The following JAG1 variants were observed in gnomAD, a reference collection of about 807,000 sequenced individuals.
JAG1 encodes the protein jagged canonical Notch ligand 1, also known as protein jagged-1.
Under a neutral mutation model 148.7 loss-of-function variants are expected in JAG1, and 23 were observed. The ratio of observed to expected loss-of-function variants is 0.15; its 90% CI spans 0.11 to 0.22. JAG1 has a LOEUF of 0.22. Among genes scored for constraint, JAG1 ranks in the 10% least tolerant of loss-of-function variants. The pLI, the probability that JAG1 is intolerant of heterozygous loss-of-function variation, is 1.00. For missense variants in JAG1, 1,054 were observed against 1,611.2 expected (o/e 0.65, Z 5.92); for synonymous variants, 572 against 598.3 (o/e 0.96, Z 0.64).
chr20:10,656,469 C>G lies in JAG1; in HGVS notation c.695-11G>C. 3.1e-6 allele frequency: 5 copies of G among 1,613,214 alleles called. No individual in the cohort carries two copies. The highest frequency in any genetic ancestry group is 4.2e-6 in the Non-Finnish European group (5 of 1,179,322). The stretch of plus-strand genomic sequence containing the variant: ...CTTGTCGGCAAATAGCTGTAAAAAA[C>G]AGAGAAGGGCGTGTCAGCACACTGC... On this transcript the variant is annotated splice_polypyrimidine_tract_variant and intron_variant, in intron 4 of 25. Coordinates refer to ENST00000254958, the MANE Select transcript of JAG1 (RefSeq NM_000214.3).
intron 9 of JAG1, among the ~76,000 whole-genome samples, chr20:10,650,008 T>C (rs2067335139): frequency 6.6e-6 from 1 of 152,152 alleles, no homozygotes; most frequent in Non-Finnish European, 1.5e-5. Flanking sequence ...TGAACACTCC[T>C]CGGACAGACG....
At chr20:10,670,082 A>C (rs1468992237) in intron 2 of JAG1, among the ~76,000 whole-genome samples, 1 of 152,186 alleles carries the variant, frequency 6.6e-6, no homozygotes, top group Non-Finnish European at 1.5e-5. Context: ...CTCAGATATG[A>C]TATATGACAG....
intron 2 of JAG1, among the ~76,000 whole-genome samples, chr20:10,667,041 G>T (rs2067458770): frequency 6.6e-6 from 1 of 152,216 alleles, no homozygotes; most frequent in South Asian, 2.1e-4. Flanking sequence ...ATTAAGAAGG[G>T]GGGATGTAAG....
chr20:10,672,052 G>A (rs2067499382), intron 2 of JAG1, among the ~76,000 whole-genome samples: 1 of 152,114 alleles, frequency 6.6e-6, no homozygotes, highest in East Asian at 1.9e-4. Flanking sequence ...GGGGGCGGGG[G>A]CAGGAAGGGG....
intron 14 of JAG1, 114 bp downstream of exon 14, chr20:10,646,825 C>CAAA (rs79074328): frequency 5.0e-4 from 443 of 886,996 alleles, no homozygotes; most frequent in Non-Finnish European, 5.9e-4. Context: ...AATTCGGTCT[C>CAAA]AAAAAAAAAA....
chr20:10,669,399 G>A (rs532228397), intron 2 of JAG1, among the ~76,000 whole-genome samples: 1 of 151,790 alleles, frequency 6.6e-6, no homozygotes, highest in South Asian at 2.1e-4. Flanking sequence ...CTCAGGGACT[G>A]GAAAAGACAG....
chr20:10,671,648 C>T (rs990776245), intron 2 of JAG1, among the ~76,000 whole-genome samples: 1 of 152,178 alleles, frequency 6.6e-6, no homozygotes. Flanking sequence ...CCAGCACAGG[C>T]TAGGCCAAGC....
intron 3 of JAG1, among the ~76,000 whole-genome samples, chr20:10,663,275 C>T (rs532190662): frequency 2.0e-5 from 3 of 152,252 alleles, no homozygotes; most frequent in Admixed American, 6.5e-5. Flanking sequence ...GGCTCGTGAG[C>T]GAAAACACTG....
intron 19 of JAG1, 83 bp downstream of exon 19, chr20:10,644,274 T>TCACACACACACA (rs1491263633): frequency 1.5e-6 from 1 of 688,312 alleles, no homozygotes; most frequent in African/African-American, 3.9e-5. Context: ...CCTGGGTGAT[T>TCACACACACACA]CTCACACACA....
chr20:10,664,002 A>T lies in JAG1; in HGVS notation c.400T>A (p.Leu134Met), dbSNP rs140511204. The change falls in exon 3 of 26, where the codon TTG becomes ATG. Residue 134 changes from leucine (L) to methionine (M), a missense_variant. This residue lies in a region of JAG1 where 151 missense variants were observed against 211.1 expected (regional missense o/e 0.72). Coordinates refer to ENST00000254958, the MANE Select transcript of JAG1 (RefSeq NM_000214.3). ...FSFAWPRSYT[L>M]LVEAWDSSND... ...CTGGAATCCCACGCCTCCACAAGCA[A>T]CGTATAGGACCTCTGCAAGACAAAC... 1 of 1,613,834 alleles carries T rather than the reference A, an allele frequency of 6.2e-7. No homozygotes were observed. Among genetic ancestry groups the T allele is most frequent in the Non-Finnish European group, 8.5e-7 (1 of 1,179,700 alleles).
At chr20:10,657,218 G>C (rs1285435802) in intron 4 of JAG1, among the ~76,000 whole-genome samples, 2 of 151,956 alleles carry the variant, frequency 1.3e-5, no homozygotes, top group African/African-American at 4.8e-5. Flanking sequence ...AAAAAAGCTG[G>C]GTGTGGTGGC....
At chr20:10,648,482 A>G (rs2067324100) in intron 12 of JAG1, 67 bp downstream of exon 12, 1 of 1,306,256 alleles carries the variant, frequency 7.7e-7, no homozygotes, top group African/African-American at 1.5e-5. Flanking sequence ...GGAAAAGTAA[A>G]GGGAAGCGGA....
At chr20:10,658,319 A>T in intron 4 of JAG1, 149 bp downstream of exon 4, 7 of 997,502 alleles carry the variant, frequency 7.0e-6, no homozygotes, top group Non-Finnish European at 6.2e-6. Context: ...AGCATCTTCT[A>T]CACTCCGCAT....
Position 10,639,949 on chromosome 20 carries a change from A to G in JAG1, c.3206T>C (p.Leu1069Pro). The G allele has an allele frequency of 6.2e-7, 1 of 1,613,824 alleles. No individual in the cohort carries two copies. The highest frequency in any genetic ancestry group is 8.5e-7 in the Non-Finnish European group (1 of 1,179,722). Residue 1069 changes from leucine to proline, a missense_variant, in exon 26 of 26, where the codon CTT becomes CCT. Leu to Pro is a moderately conservative substitution (Grantham distance 98). Coordinates refer to ENST00000254958, the MANE Select transcript of JAG1 (RefSeq NM_000214.3). ...RRPLKNRTDF[L>P]VPLLSSVLTV... ...TAAGACAGAGCTCAGCAAGGGAACA[A>G]GGAAATCTGTAAGGCAGGCACAAAA... is the stretch of plus-strand genomic sequence containing the variant.
At position 10,651,614 on chromosome 20, in the gene JAG1, A is replaced by T. The variant is rs1326339242; in HGVS notation, c.1087T>A (p.Ser363Thr). 6.2e-7 allele frequency: 1 copy of T among 1,613,788 alleles called. No homozygotes were observed. Among genetic ancestry groups the T allele is most frequent in the East Asian group, 2.2e-5 (1 of 44,888 alleles). The part of the protein sequence containing the change: ...ETSLGFECEC[S>T]PGWTGPTCST... Reference sequence around the variant, plus strand: ...CATGTGGGGCCGGTCCAGCCTGGGGAACACTCACACTCAAAGCCCAGGGAG... The same window carrying T: ...CATGTGGGGCCGGTCCAGCCTGGGGTACACTCACACTCAAAGCCCAGGGAG... The change falls in exon 8 of 26, where the codon TCC becomes ACC. Residue 363 changes from serine (S) to threonine (T), a missense_variant. This residue lies in a region of JAG1 where 245 missense variants were observed against 373.1 expected (regional missense o/e 0.66). Coordinates refer to ENST00000254958, the MANE Select transcript of JAG1 (RefSeq NM_000214.3).
At position 10,673,424 on chromosome 20, in the gene JAG1, AG is replaced by A; in HGVS notation, c.81+25del. On this transcript the variant is annotated intron_variant, in intron 1 of 25. Transcript: ENST00000254958. This position sits in a 1 kb window ranked among gnomAD's most constrained non-coding sequence, Gnocchi z 4.7. ...CGAGGGGAGGGAGAGGACGGCTGGG[AG>A]GGAGGCCCGGAGAAGGGCTCCTACC... The A allele has an allele frequency of 7.0e-7, 1 of 1,429,710 alleles. No individual in the cohort carries two copies. 88.6% of individuals were successfully genotyped at this position (1,429,710 alleles called of 1,614,324 possible).
chr20:10,651,626 C>T lies in JAG1; in HGVS notation c.1075G>A (p.Glu359Lys), dbSNP rs1481200316. Reference protein sequence around the residue: ...GSCKETSLGFECECSPGWTGP... With the variant: ...GSCKETSLGFKCECSPGWTGP... ...GTCCAGCCTGGGGAACACTCACACT[C>T]AAAGCCCAGGGAGGTCTCCTTACAG... The change falls in exon 8 of 26, where the codon GAG becomes AAG. Residue 359 changes from glutamate to lysine, a missense_variant. Around this residue, in one of 6 missense-constraint regions of JAG1, gnomAD observed 245 missense variants for 373.1 expected, o/e 0.66. Transcript: ENST00000254958. 1 of 1,614,138 alleles carries T rather than the reference C, an allele frequency of 6.2e-7. No homozygotes were observed. The highest frequency in any genetic ancestry group is 1.3e-5 in the African/African-American group (1 of 75,052).
At chr20:10,671,855 G>T (rs780268214) in intron 2 of JAG1, among the ~76,000 whole-genome samples, 2 of 152,166 alleles carry the variant, frequency 1.3e-5, no homozygotes, top group African/African-American at 4.8e-5. Context: ...GAATGGGGCG[G>T]GGGGATGAGG....
chr20:10,656,527 GC>G, intron 4 of JAG1, 69 bp from the exon 5 acceptor site: 1 of 1,317,048 alleles, frequency 7.6e-7, no homozygotes. Flanking sequence ...CATGAGAATG[GC>G]CCATTGCATT....
Sources: allele counts gnomAD v4.1 joint callset (sites outside exome capture counted in the v4.1 genomes callset), GRCh38; gene constraint gnomAD v4.1.1; regional missense constraint gnomAD v4.1.1; non-coding constraint Gnocchi (gnomAD v3.1); transcripts MANE v1.5; gene names NCBI Gene and HGNC (gene_info 2026-07-23, HGNC 2026-07-21).